SMAP1: variants seen among roughly 807,000 people sequenced by gnomAD.
SMAP1 encodes the protein stromal membrane-associated protein 1.
Under a neutral mutation model 58.5 loss-of-function variants are expected in SMAP1, and 24 were observed. The observed-to-expected ratio is 0.41, with a 90% CI of 0.30 to 0.58. The LOEUF (loss-of-function observed/expected upper bound fraction) is 0.58. Among genes scored for constraint, SMAP1 ranks in the 20% least tolerant of loss-of-function variants. The pLI, the probability that SMAP1 is intolerant of heterozygous loss-of-function variation, is 0.29. For synonymous variants in SMAP1, 216 were observed against 196.6 expected (o/e 1.10, Z -0.82); for missense variants, 563 against 566.3 (o/e 0.99, Z 0.06).
chr6:70,823,541 T>G (rs778734713), intron 6 of SMAP1, among the ~76,000 whole-genome samples: 1 of 152,178 alleles, frequency 6.6e-6, no homozygotes, highest in Non-Finnish European at 1.5e-5. Context: ...CAGTTGTCTG[T>G]TGGTATTCAT....
At chr6:70,786,717 G>A in intron 4 of SMAP1, among the ~76,000 whole-genome samples, 1 of 152,058 alleles carries the variant, frequency 6.6e-6, no homozygotes. Context: ...ACTACCAAGA[G>A]AATAAAATAC....
At position 70,723,539 on chromosome 6, in the gene SMAP1, C is replaced by T. The variant is rs1227230769; in HGVS notation, c.119-8839C>T. 2.0e-5 allele frequency among the ~76,000 whole-genome samples: 3 copies of T among 152,184 alleles called. No individual in the cohort carries two copies. The East Asian group carries it at 5.8e-4, about 29-fold the overall frequency. On this transcript the variant is annotated intron_variant, in intron 1 of 10. Coordinates refer to ENST00000370455, the MANE Select transcript of SMAP1 (RefSeq NM_001044305.3). ...CTGACCAAATGATGACTACCTTTCC[C>T]TCCCCCTTTCTCACCTGTACTCCCT...
intron 7 of SMAP1, among the ~76,000 whole-genome samples, chr6:70,843,564 C>G (rs1393520806): frequency 6.6e-6 from 1 of 152,180 alleles, no homozygotes; most frequent in Non-Finnish European, 1.5e-5. Context: ...ACTGAGTAGT[C>G]TGACTTCGGG....
At chr6:70,816,020 C>T (rs563595592) in intron 6 of SMAP1, among the ~76,000 whole-genome samples, 1 of 152,118 alleles carries the variant, frequency 6.6e-6, no homozygotes, top group East Asian at 1.9e-4. Flanking sequence ...ATAAATAACT[C>T]TAGCAAAAGG....
intron 3 of SMAP1, among the ~76,000 whole-genome samples, chr6:70,756,591 T>C (rs1381627548): frequency 6.6e-6 from 1 of 152,032 alleles, no homozygotes; most frequent in East Asian, 1.9e-4. Flanking sequence ...GGAAGGTATT[T>C]TGGTCCAAAT....
At chr6:70,748,401 A>T (rs1766136646) in intron 2 of SMAP1, among the ~76,000 whole-genome samples, 1 of 152,136 alleles carries the variant, frequency 6.6e-6, no homozygotes, top group Admixed American at 6.6e-5. Context: ...TACATTAAAA[A>T]TTTAAGAAAG....
At chr6:70,850,454 C>G (rs1003259705) in intron 7 of SMAP1, among the ~76,000 whole-genome samples, 17 of 151,482 alleles carry the variant, frequency 1.1e-4, no homozygotes, top group Middle Eastern at 6.9e-3. Context: ...GTTTTTTTTC[C>G]TTTTATTTTG....
chr6:70,775,009 C>CAA (rs71538441), intron 4 of SMAP1, among the ~76,000 whole-genome samples: 5 of 119,208 alleles, frequency 4.2e-5, no homozygotes, highest in Admixed American at 2.6e-4. Context: ...GATTCTGTGT[C>CAA]AAAAAAAAAA....
chr6:70,837,919 A>C, intron 7 of SMAP1: 1 of 1,163,686 alleles, frequency 8.6e-7, no homozygotes, highest in Non-Finnish European at 1.1e-6. Context: ...ATTATAGCTG[A>C]ATGTTTTATT....
At chr6:70,783,213 A>G (rs1235309289) in intron 4 of SMAP1, among the ~76,000 whole-genome samples, 1 of 152,226 alleles carries the variant, frequency 6.6e-6, no homozygotes, top group Non-Finnish European at 1.5e-5. Flanking sequence ...GACCTCTAGC[A>G]AACTCCAACA....
chr6:70,686,575 A>C, intron 1 of SMAP1, among the ~76,000 whole-genome samples: 1 of 152,296 alleles, frequency 6.6e-6, no homozygotes, highest in East Asian at 1.9e-4. Flanking sequence ...TTTTGAAAAA[A>C]CACACATTTC....
At chr6:70,808,876 A>G (rs563534577) in intron 6 of SMAP1, among the ~76,000 whole-genome samples, 5 of 148,292 alleles carry the variant, frequency 3.4e-5, no homozygotes, top group African/African-American at 1.2e-4. Flanking sequence ...AAATAGAACC[A>G]TTTATTTCTA....
At chr6:70,752,235 C>A (rs912593336) in intron 2 of SMAP1, among the ~76,000 whole-genome samples, 3 of 152,172 alleles carry the variant, frequency 2.0e-5, no homozygotes, top group Admixed American at 6.5e-5. Flanking sequence ...AGTTTCCTCT[C>A]TGTAAAGTGA....
intron 3 of SMAP1, among the ~76,000 whole-genome samples, chr6:70,771,230 C>G (rs1310920269): frequency 2.0e-5 from 3 of 152,250 alleles, no homozygotes; most frequent in African/African-American, 7.2e-5. Context: ...GGCAGTCTGC[C>G]CATTCTCAGA....
chr6:70,679,831 A>G (rs1189620561), intron 1 of SMAP1, among the ~76,000 whole-genome samples: 1 of 152,194 alleles, frequency 6.6e-6, no homozygotes, highest in Non-Finnish European at 1.5e-5. Flanking sequence ...TAAATTCAAC[A>G]TTATTCCAGT....
intron 6 of SMAP1, among the ~76,000 whole-genome samples, chr6:70,813,304 A>G (rs978220972): frequency 7.2e-5 from 11 of 152,192 alleles, no homozygotes; most frequent in African/African-American, 2.7e-4. Context: ...CAGTTAATAA[A>G]TGGGAATAAG....
chr6:70,828,763 C>T (rs1770242603), intron 6 of SMAP1, among the ~76,000 whole-genome samples: 2 of 152,238 alleles, frequency 1.3e-5, no homozygotes, highest in Non-Finnish European at 2.9e-5. Flanking sequence ...ACCTTTCCCA[C>T]TCAGTGTTCT....
chr6:70,846,693 G>A (rs1771003295), intron 7 of SMAP1, among the ~76,000 whole-genome samples: 1 of 152,144 alleles, frequency 6.6e-6, no homozygotes, highest in Admixed American at 6.5e-5. Context: ...CAAGTACTAT[G>A]CCTGGGCTGG....
At chr6:70,841,860 TGA>T (rs1205809760) in intron 7 of SMAP1, among the ~76,000 whole-genome samples, 3 of 152,228 alleles carry the variant, frequency 2.0e-5, no homozygotes, top group Non-Finnish European at 4.4e-5. Flanking sequence ...CAGTTTTATA[TGA>T]GAGAGGTGAA....
Sources: allele counts gnomAD v4.1 joint callset (sites outside exome capture counted in the v4.1 genomes callset), GRCh38; gene constraint gnomAD v4.1.1; transcripts MANE v1.5; gene names NCBI Gene and HGNC (gene_info 2026-07-23, HGNC 2026-07-21).